The following CNOT4 variants were observed in gnomAD, a reference collection of about 807,000 sequenced individuals.
CNOT4 encodes the protein CCR4-NOT transcription complex subunit 4.
In CNOT4, 8 loss-of-function variants were observed where a neutral mutation model predicts 73.8. That is an observed-to-expected ratio of 0.11 (90% confidence interval 0.06 to 0.20). The LOEUF (loss-of-function observed/expected upper bound fraction) is 0.20, where lower values mean the gene tolerates loss of function less well. Ranked by LOEUF, CNOT4 falls within the 10% of genes least tolerant of loss-of-function variation. The pLI is 1.00. For synonymous variants in CNOT4, 293 were observed against 321.1 expected, an observed-to-expected ratio of 0.91 and a Z score of 0.94; for missense variants, 564 against 883.4, an observed-to-expected ratio of 0.64 and a Z score of 4.58.
intron 10 of CNOT4, chr7:135,387,417 T>A (rs892485981): frequency 3.0e-6 from 3 of 983,698 alleles, no homozygotes; most frequent in Non-Finnish European, 3.6e-6. Context: ...CAGAAAATAA[T>A]CCAATTTTAT....
At position 135,393,939 on chromosome 7, in the gene CNOT4, G is replaced by A; in HGVS notation, c.1606C>T (p.Leu536=). 1.2e-6 allele frequency: 2 copies of A among 1,612,790 alleles called. No individual in the cohort carries two copies. The highest frequency in any genetic ancestry group is 8.5e-7 in the Non-Finnish European group (1 of 1,178,960). The part of the protein sequence containing the change: ...LNLPPQHNTG[L]GGIPVADNSS... ...CTACCTGCTACAGGGATCCCTCCCAGACCTGTGTTGTGCTGTGGCGGGAGA... is the reference window on the plus strand; with the variant it reads ...CTACCTGCTACAGGGATCCCTCCCAAACCTGTGTTGTGCTGTGGCGGGAGA... Residue 536 remains leucine, a synonymous_variant, in exon 10 of 12, where the codon CTG becomes TTG. Coordinates refer to ENST00000541284, the MANE Select transcript of CNOT4 (RefSeq NM_001190850.2).
At chr7:135,459,676 A>T (rs1800754758) in intron 1 of CNOT4, among the ~76,000 whole-genome samples, 1 of 152,326 alleles carries the variant, frequency 6.6e-6, no homozygotes, top group South Asian at 2.1e-4. Context: ...GGGTAGATTT[A>T]GCATAATTCC....
chr7:135,394,205 T>C lies in CNOT4; in HGVS notation c.1340A>G (p.Lys447Arg). The change falls in exon 10 of 12, where the codon AAA becomes AGA. Residue 447 changes from lysine (K) to arginine (R), a missense_variant. Lys to Arg is a conservative substitution (Grantham distance 26). Coordinates refer to ENST00000541284, the MANE Select transcript of CNOT4 (RefSeq NM_001190850.2). ...ATGCAGGAATCCAGAGCCTGGACCTTTGGCGGTTGTAGTGTGTGAAGAGGA... is the reference window on the plus strand; with the variant it reads ...ATGCAGGAATCCAGAGCCTGGACCTCTGGCGGTTGTAGTGTGTGAAGAGGA... ...QNSSSHTTTA[K>R]GPGSGFLHPA... 1 of 1,614,160 alleles carries C rather than the reference T, an allele frequency of 6.2e-7. No homozygotes were observed. Among genetic ancestry groups the C allele is most frequent in the Non-Finnish European group, 8.5e-7 (1 of 1,180,014 alleles).
rs527490505 is a variant in CNOT4, at chr7:135,439,888, C to A, written c.-92-1465G>T. On this transcript the variant is annotated intron_variant, in intron 1 of 11. Coordinates refer to ENST00000541284, the MANE Select transcript of CNOT4 (RefSeq NM_001190850.2). ...CCATTTTATAAACAGTGATGGGACACTGGGCTATCCATTTGAATAAAAAAT... is the reference window on the plus strand; with the variant it reads ...CCATTTTATAAACAGTGATGGGACAATGGGCTATCCATTTGAATAAAAAAT... Among the ~76,000 whole-genome samples the A allele has an allele frequency of 5.3e-5, 8 of 151,800 alleles. No individual in the cohort carries two copies. In the South Asian group the frequency reaches 1.2e-3, roughly 24 times the overall value.
intron 1 of CNOT4, among the ~76,000 whole-genome samples, chr7:135,488,693 T>A (rs1802903616): frequency 6.6e-6 from 1 of 152,194 alleles, no homozygotes; most frequent in African/African-American, 2.4e-5. Flanking sequence ...ATGCACTTTT[T>A]TACCTGATAA....
intron 7 of CNOT4, among the ~76,000 whole-genome samples, chr7:135,399,186 T>C (rs893627218): frequency 2.0e-5 from 3 of 152,142 alleles, no homozygotes; most frequent in Admixed American, 6.5e-5. Context: ...TAGTCATGGG[T>C]TGCTTAATGA....
chr7:135,467,945 G>C (rs1343565945), intron 1 of CNOT4, among the ~76,000 whole-genome samples: 2 of 152,156 alleles, frequency 1.3e-5, no homozygotes, highest in Non-Finnish European at 2.9e-5. Context: ...GCCAGGCGTG[G>C]TGGCTCACGC....
At chr7:135,420,410 C>T (rs1798118292) in intron 3 of CNOT4, among the ~76,000 whole-genome samples, 2 of 151,676 alleles carry the variant, frequency 1.3e-5, no homozygotes, top group African/African-American at 4.8e-5. Flanking sequence ...AACCCCATCT[C>T]TGCAAAAAAT....
chr7:135,368,064 T>C (rs2129482454), intron 10 of CNOT4, among the ~76,000 whole-genome samples: 1 of 152,248 alleles, frequency 6.6e-6, no homozygotes, highest in Admixed American at 6.5e-5. Flanking sequence ...AAGTTGTTGG[T>C]AGTAGTTTTA....
At chr7:135,409,446 A>G (rs936525683) in intron 7 of CNOT4, among the ~76,000 whole-genome samples, 1 of 152,124 alleles carries the variant, frequency 6.6e-6, no homozygotes, top group Admixed American at 6.5e-5. Context: ...ACACATATAT[A>G]TGTGTCTAAT....
chr7:135,402,059 T>C (rs186265643), intron 7 of CNOT4, among the ~76,000 whole-genome samples: 1 of 152,298 alleles, frequency 6.6e-6, no homozygotes, highest in East Asian at 1.9e-4. Context: ...TTTTTTCCTT[T>C]TTTTTAAAGT....
chr7:135,489,719 A>C (rs768196555), intron 1 of CNOT4, among the ~76,000 whole-genome samples: 1 of 152,176 alleles, frequency 6.6e-6, no homozygotes, highest in Non-Finnish European at 1.5e-5. Flanking sequence ...TCCTGTGCTC[A>C]GTAGTCCCAT....
At chr7:135,383,679 C>G (rs1795963633) in intron 10 of CNOT4, among the ~76,000 whole-genome samples, 1 of 152,214 alleles carries the variant, frequency 6.6e-6, no homozygotes, top group African/African-American at 2.4e-5. Flanking sequence ...CTCCAACCCT[C>G]TCCTTTCTCT....
intron 1 of CNOT4, among the ~76,000 whole-genome samples, chr7:135,466,267 A>G (rs1247248252): frequency 6.6e-6 from 1 of 151,860 alleles, no homozygotes; most frequent in Non-Finnish European, 1.5e-5. Flanking sequence ...GGATCATGTG[A>G]GATCAGGAGT....
chr7:135,406,403 T>C (rs28509256), intron 7 of CNOT4, among the ~76,000 whole-genome samples: 16,964 of 147,528 alleles, frequency 0.11, 1,137 homozygotes, highest in African/African-American at 0.19. Context: ...CTCATACCTA[T>C]AATCCCAGCT....
intron 1 of CNOT4, among the ~76,000 whole-genome samples, chr7:135,452,051 C>A (rs1230569670): frequency 6.6e-6 from 1 of 152,100 alleles, no homozygotes; most frequent in African/African-American, 2.4e-5. Flanking sequence ...AGTTCAAGAC[C>A]AGCCTGGGCA....
chr7:135,445,307 T>C (rs926654297), intron 1 of CNOT4, among the ~76,000 whole-genome samples: 48 of 152,234 alleles, frequency 3.2e-4, no homozygotes, highest in Non-Finnish European at 5.9e-4. Context: ...CTGGGAATAA[T>C]GGACAAAGGG....
chr7:135,502,056 C>A (rs897534126), intron 1 of CNOT4, among the ~76,000 whole-genome samples: 2 of 152,204 alleles, frequency 1.3e-5, no homozygotes, highest in Non-Finnish European at 2.9e-5. Context: ...TGCTCTTCTA[C>A]CTTACACCAT....
intron 1 of CNOT4, chr7:135,509,248 G>A (rs1804575802): frequency 1.3e-5 from 2 of 152,458 alleles, no homozygotes; most frequent in African/African-American, 4.8e-5. Context: ...GATACTTAAG[G>A]GGCAGCTTTA....
Sources: gnomAD v4.1 joint callset for allele counts (sites outside exome capture counted in the v4.1 genomes callset) on GRCh38, gnomAD v4.1.1 for gene constraint, MANE v1.5 for transcripts, NCBI Gene and HGNC (gene_info 2026-07-23, HGNC 2026-07-21) for gene names.